The following NDST4 variants were observed in gnomAD, a reference collection of about 807,000 sequenced individuals.
The protein encoded by NDST4 is N-deacetylase and N-sulfotransferase 4.
A neutral mutation model predicts 100.8 loss-of-function variants in NDST4; 63 were observed. That is an observed-to-expected ratio of 0.62 (90% CI 0.51 to 0.77). The LOEUF is 0.77. Among genes scored for constraint, NDST4 ranks in the 30% least tolerant of loss-of-function variants. The pLI is 0.00. For missense variants in NDST4, 943 were observed against 1,018.4 expected (o/e 0.93, Z 1.01); for synonymous variants, 377 against 361.8 (o/e 1.04, Z -0.48).
intron 6 of NDST4, among the ~76,000 whole-genome samples, chr4:114,929,942 T>G (rs1413190495): frequency 2.6e-5 from 4 of 152,122 alleles, no homozygotes; most frequent in African/African-American, 9.7e-5. Flanking sequence ...GTCAGTGTTC[T>G]GAAAATTATT....
chr4:115,054,210 A>G (rs977284257), intron 2 of NDST4, among the ~76,000 whole-genome samples: 1 of 152,086 alleles, frequency 6.6e-6, no homozygotes, highest in African/African-American at 2.4e-5. Flanking sequence ...TTTCAATAGT[A>G]GAATTATTGG....
intron 11 of NDST4, among the ~76,000 whole-genome samples, chr4:114,838,221 G>T (rs768697934): frequency 1.8e-4 from 27 of 152,142 alleles, no homozygotes; most frequent in Non-Finnish European, 3.4e-4. Context: ...ATTGTTGGTG[G>T]GAGTGTAAAT....
intron 10 of NDST4, among the ~76,000 whole-genome samples, chr4:114,841,830 G>C (rs1260136425): frequency 6.6e-6 from 1 of 152,098 alleles, no homozygotes; most frequent in Non-Finnish European, 1.5e-5. Flanking sequence ...TATAAATTTT[G>C]CTTCCAATCT....
At chr4:115,007,170 A>G (rs1330428737) in intron 2 of NDST4, among the ~76,000 whole-genome samples, 1 of 152,180 alleles carries the variant, frequency 6.6e-6, no homozygotes, top group African/African-American at 2.4e-5. Flanking sequence ...CTACATGTAA[A>G]TAATTTAACT....
chr4:114,846,237 G>T (rs1475719576), intron 9 of NDST4, among the ~76,000 whole-genome samples: 3 of 152,070 alleles, frequency 2.0e-5, no homozygotes, highest in African/African-American at 7.2e-5. Context: ...GGCCAATAAG[G>T]GTCAAAGGAA....
chr4:114,883,542 G>C (rs1054474905), intron 6 of NDST4, among the ~76,000 whole-genome samples: 3 of 152,014 alleles, frequency 2.0e-5, no homozygotes, highest in Non-Finnish European at 4.4e-5. Context: ...AAAGAGCAGA[G>C]AGCAAATGCA....
chr4:115,105,217 A>G (rs898857064), intron 1 of NDST4, among the ~76,000 whole-genome samples: 2 of 152,140 alleles, frequency 1.3e-5, no homozygotes, highest in Non-Finnish European at 2.9e-5. Context: ...AGGTCAATCA[A>G]TCTCTGCATT....
At chr4:114,932,689 C>A (rs981707325) in intron 6 of NDST4, among the ~76,000 whole-genome samples, 1 of 151,836 alleles carries the variant, frequency 6.6e-6, no homozygotes, top group Non-Finnish European at 1.5e-5. Flanking sequence ...TGTTTCTGTA[C>A]ACTGACAAGT....
chr4:114,940,857 C>T (rs1436426266), intron 4 of NDST4, among the ~76,000 whole-genome samples: 1 of 152,214 alleles, frequency 6.6e-6, no homozygotes, highest in Non-Finnish European at 1.5e-5. Flanking sequence ...TGGCATCCAG[C>T]TGCTTTTTCT....
chr4:115,113,173 A>G (rs1027863596), intron 1 of NDST4, among the ~76,000 whole-genome samples: 3 of 151,968 alleles, frequency 2.0e-5, no homozygotes, highest in Non-Finnish European at 4.4e-5. Context: ...TGTTCCGGCA[A>G]CTGTTTAAAT....
At chr4:115,016,970 T>C (rs529124755) in intron 2 of NDST4, among the ~76,000 whole-genome samples, 2 of 151,502 alleles carry the variant, frequency 1.3e-5, no homozygotes, top group Non-Finnish European at 2.9e-5. Flanking sequence ...TTCCTCCTTG[T>C]TTTGTTTTGA....
In NDST4 at chr4:115,071,827, C is replaced by T. The variant is rs75112384; in HGVS notation, c.978+4232G>A. ...TATTTCCCACAAAATTATATTTGTCCAAAAAATAAAGTCAAAAAGCAAAAA... is the reference window on the plus strand; with the variant it reads ...TATTTCCCACAAAATTATATTTGTCTAAAAAATAAAGTCAAAAAGCAAAAA... On this transcript the variant is annotated intron_variant, in intron 2 of 13. Coordinates refer to ENST00000264363, the MANE Select transcript of NDST4 (RefSeq NM_022569.3). 5.9e-5 allele frequency among the ~76,000 whole-genome samples: 9 copies of T among 151,554 alleles called. No homozygotes were observed. In the East Asian group the frequency reaches 1.7e-3, roughly 29 times the overall value.
intron 1 of NDST4, among the ~76,000 whole-genome samples, chr4:115,105,121 A>G (rs1729809423): frequency 6.6e-6 from 1 of 152,124 alleles, no homozygotes. Context: ...CAAGGTTAAC[A>G]CCTGCCTTCC....
At chr4:114,858,556 G>C (rs1723848397) in intron 7 of NDST4, among the ~76,000 whole-genome samples, 1 of 152,166 alleles carries the variant, frequency 6.6e-6, no homozygotes, top group Non-Finnish European at 1.5e-5. Flanking sequence ...AAGATATAGT[G>C]TACGCATTAA....
chr4:114,864,423 T>C lies in NDST4; in HGVS notation c.1719+6345A>G, dbSNP rs115053144. ...GTTGTTTCTTAATTTTTTCTGCTTA[T>C]TGAGTCTTGCTCTGTGTATGTCTTT... On this transcript the variant is annotated intron_variant, in intron 7 of 13. Transcript: ENST00000264363. Among the ~76,000 whole-genome samples the C allele has an allele frequency of 5.4e-3, 821 of 152,340 alleles. 4 individuals carry two copies. Among genetic ancestry groups the C allele is most frequent in the African/African-American group, 0.016 (646 of 41,574 alleles).
At chr4:115,049,428 T>A (rs1308041875) in intron 2 of NDST4, among the ~76,000 whole-genome samples, 1 of 152,014 alleles carries the variant, frequency 6.6e-6, no homozygotes, top group Non-Finnish European at 1.5e-5. Flanking sequence ...TCTTTGTGTA[T>A]CTCTAGGGTT....
At chr4:114,838,054 C>A (rs1723340690) in intron 11 of NDST4, among the ~76,000 whole-genome samples, 1 of 152,142 alleles carries the variant, frequency 6.6e-6, no homozygotes, top group South Asian at 2.1e-4. Context: ...ATGTGATCAA[C>A]AAACATATGG....
intron 1 of NDST4, among the ~76,000 whole-genome samples, chr4:115,084,416 T>G (rs2126292485): frequency 6.6e-6 from 1 of 152,178 alleles, no homozygotes; most frequent in East Asian, 1.9e-4. Context: ...GCTGCAGAAA[T>G]TTGCATAAGT....
chr4:114,832,759 G>T (rs1723227062), intron 12 of NDST4, among the ~76,000 whole-genome samples: 1 of 152,174 alleles, frequency 6.6e-6, no homozygotes, highest in Non-Finnish European at 1.5e-5. Context: ...GTCAGAGAAG[G>T]ACTTGGCTGT....
Sources: gnomAD v4.1 joint callset for allele counts (sites outside exome capture counted in the v4.1 genomes callset) on GRCh38, gnomAD v4.1.1 for gene constraint, MANE v1.5 for transcripts, NCBI Gene and HGNC (gene_info 2026-07-23, HGNC 2026-07-21) for gene names.